The following SLC25A48 variants were observed in gnomAD, a reference collection of about 807,000 sequenced individuals.
The protein encoded by SLC25A48 is solute carrier family 25 member 48.
SLC25A48 carries 29 observed loss-of-function variants against 32.2 expected under a neutral mutation model. That is an observed-to-expected ratio of 0.90 (90% CI 0.67 to 1.23). The LOEUF is 1.23. Ranked by LOEUF, SLC25A48 falls within the 50% of genes most tolerant of loss-of-function variation. SLC25A48 has a pLI of 0.00. For synonymous variants in SLC25A48, 164 were observed against 172.3 expected, an observed-to-expected ratio of 0.95 and a Z score of 0.38; for missense variants, 399 against 422.7, an observed-to-expected ratio of 0.94 and a Z score of 0.49.
At chr5:135,757,562 A>G (rs1268329249) in intron 3 of SLC25A48, among the ~76,000 whole-genome samples, 5 of 148,846 alleles carry the variant, frequency 3.4e-5, no homozygotes, top group African/African-American at 1.2e-4. Flanking sequence ...TATAATGTCT[A>G]GTGTTAACAC....
chr5:135,822,840 A>T (rs908454524), intron 4 of SLC25A48, among the ~76,000 whole-genome samples: 7 of 152,038 alleles, frequency 4.6e-5, no homozygotes, highest in Non-Finnish European at 7.4e-5. Flanking sequence ...GTGAGGTTGG[A>T]AAGGCAAGTC....
chr5:135,736,833 T>A (rs1246919004), intron 3 of SLC25A48, among the ~76,000 whole-genome samples: 1 of 151,822 alleles, frequency 6.6e-6, no homozygotes, highest in Non-Finnish European at 1.5e-5. Flanking sequence ...GGAAAGGAAC[T>A]GAAATTAAGA....
intron 3 of SLC25A48, among the ~76,000 whole-genome samples, chr5:135,769,757 C>A (rs1307557848): frequency 6.6e-6 from 1 of 151,610 alleles, no homozygotes; most frequent in Non-Finnish European, 1.5e-5. Flanking sequence ...CGTGTACACC[C>A]TCCTGTGATA....
intron 3 of SLC25A48, among the ~76,000 whole-genome samples, chr5:135,689,228 C>T (rs1050572452): frequency 1.1e-4 from 17 of 152,206 alleles, no homozygotes; most frequent in African/African-American, 4.1e-4. Context: ...TCAGTCCCTT[C>T]TGTTTCATAG....
intron 4 of SLC25A48, among the ~76,000 whole-genome samples, chr5:135,858,179 C>G (rs1391979715): frequency 6.6e-6 from 1 of 152,212 alleles, no homozygotes; most frequent in African/African-American, 2.4e-5. Context: ...TGTGTTTGTT[C>G]TGTTCTTCCC....
intron 3 of SLC25A48, among the ~76,000 whole-genome samples, chr5:135,743,666 A>T (rs767751899): frequency 7.2e-5 from 11 of 152,190 alleles, no homozygotes; most frequent in Non-Finnish European, 1.3e-4. Flanking sequence ...AAACCTCCCA[A>T]CACTGCTGTC....
At chr5:135,653,952 G>A in intron 3 of SLC25A48, 1 of 456,128 alleles carries the variant, frequency 2.2e-6, no homozygotes, top group Non-Finnish European at 4.4e-6. Context: ...GGGAAGCTTT[G>A]GATGGTGGTG....
At chr5:135,882,215 G>A (rs916452268) in intron 7 of SLC25A48, among the ~76,000 whole-genome samples, 8 of 152,224 alleles carry the variant, frequency 5.3e-5, no homozygotes, top group South Asian at 2.1e-4. Context: ...GGAGAGGGAG[G>A]TTCCCAGCCA....
At chr5:135,775,966 G>A (rs77221994) in intron 3 of SLC25A48, among the ~76,000 whole-genome samples, 3,434 of 151,702 alleles carry the variant, frequency 0.023, 101 homozygotes, top group African/African-American at 0.067. Flanking sequence ...AGGTGAGAGG[G>A]TGATATTACT....
At chr5:135,699,111 G>A (rs549619671) in intron 3 of SLC25A48, among the ~76,000 whole-genome samples, 11 of 152,262 alleles carry the variant, frequency 7.2e-5, no homozygotes, top group South Asian at 4.1e-4. Context: ...TGATAAAACC[G>A]CTTTGGAAAA....
rs1352828354 is a variant in SLC25A48, at chr5:135,743,190, G to A, written c.-520-69333G>A. On this transcript the variant is annotated intron_variant, in intron 3 of 10. Transcript: ENST00000646290. ...GGGTTCAAGTGATTCTCCTGCCTCA[G>A]CCTCCTAAGTAGCTGGGATTACAGG... is the stretch of plus-strand genomic sequence containing the variant. Among the ~76,000 whole-genome samples, 20 of 141,796 alleles carry A rather than the reference G, an allele frequency of 1.4e-4. No individual in the cohort carries two copies. In the Admixed American group the frequency reaches 1.5e-3, roughly 10 times the overall value. 93.0% of individuals were successfully genotyped at this position (141,796 alleles called of 152,430 possible). A position where few individuals can be genotyped will look rare whatever the true frequency, so the allele number is the denominator to read the frequency against.
chr5:135,815,366 C>T (rs548798567), intron 4 of SLC25A48, among the ~76,000 whole-genome samples: 9 of 152,276 alleles, frequency 5.9e-5, no homozygotes, highest in South Asian at 2.1e-4. Flanking sequence ...ACTGATCTGA[C>T]GGGAGGTGGA....
At chr5:135,876,349 C>T (rs1438276789) in intron 6 of SLC25A48, 2 of 151,892 alleles carry the variant, frequency 1.3e-5, no homozygotes, top group Non-Finnish European at 1.5e-5. Context: ...TTACTGTGCT[C>T]TTTTAAAAAA....
intron 1 of SLC25A48, among the ~76,000 whole-genome samples, chr5:135,583,181 C>T (rs36056570): frequency 0.33 from 48,930 of 149,754 alleles, 9,191 homozygotes; most frequent in African/African-American, 0.53. Flanking sequence ...AGTGTGTGTG[C>T]GTGTGTGTGT....
At chr5:135,864,434 C>G (rs1311176786) in intron 4 of SLC25A48, among the ~76,000 whole-genome samples, 2 of 148,666 alleles carry the variant, frequency 1.3e-5, no homozygotes, top group East Asian at 1.9e-4. Flanking sequence ...GTTAAGATCC[C>G]TGAAGGGACA....
intron 3 of SLC25A48, among the ~76,000 whole-genome samples, chr5:135,765,741 T>C (rs10900833): frequency 0.71 from 107,360 of 151,420 alleles, 39,520 homozygotes; most frequent in Middle Eastern, 0.83. Context: ...GGTGTACACC[T>C]ACCTGTGATA....
At chr5:135,862,072 A>G (rs1760842210) in intron 4 of SLC25A48, among the ~76,000 whole-genome samples, 1 of 152,124 alleles carries the variant, frequency 6.6e-6, no homozygotes, top group Non-Finnish European at 1.5e-5. Flanking sequence ...CATGGGCATG[A>G]GCCTAACTAG....
intron 1 of SLC25A48, 66 bp from the exon 2 acceptor site, chr5:135,842,350 A>C: frequency 5.2e-5 from 81 of 1,551,970 alleles, no homozygotes; most frequent in Non-Finnish European, 6.7e-5. Flanking sequence ...TTTTGTCCCA[A>C]GAGCTGGCTG....
chr5:135,661,573 C>T (rs571089732), intron 3 of SLC25A48, among the ~76,000 whole-genome samples: 2 of 152,288 alleles, frequency 1.3e-5, no homozygotes, highest in African/African-American at 4.8e-5. Flanking sequence ...CCTGGCACAT[C>T]ACTGTATAAA....
Sources: allele counts gnomAD v4.1 joint callset (sites outside exome capture counted in the v4.1 genomes callset), GRCh38; gene constraint gnomAD v4.1.1; transcripts MANE v1.5; gene names NCBI Gene and HGNC (gene_info 2026-07-23, HGNC 2026-07-21).